DMD: variants seen among roughly 807,000 people sequenced by gnomAD.
The protein encoded by DMD is dystrophin.
In DMD, 63 loss-of-function variants were observed where a neutral mutation model predicts 330.1. The observed-to-expected ratio is 0.19, with a 90% confidence interval of 0.16 to 0.24. The LOEUF (loss-of-function observed/expected upper bound fraction) is 0.24, where lower values mean the gene tolerates loss of function less well. DMD is among the 10% of genes least tolerant of loss of function. DMD has a pLI of 1.00. For missense variants in DMD, 3,344 were observed against 2,684.1 expected (o/e 1.25, Z -5.43); for synonymous variants, 1,223 against 959.8 (o/e 1.27, Z -5.07).
rs894643226 is a variant in DMD, at chrX:31,520,642, G to A, written c.8218-13189C>T. Among the ~76,000 whole-genome samples, 3 of 111,210 alleles carry A rather than the reference G, an allele frequency of 2.7e-5. No homozygotes were observed. In the Admixed American group the frequency reaches 2.9e-4, roughly 11 times the overall value. Reference sequence around the variant, plus strand: ...ACCATCTCACTGAAGCAGGTCCAGGGTATTTTTTGTGTCCTTGTGCCATGA... The same window carrying A: ...ACCATCTCACTGAAGCAGGTCCAGGATATTTTTTGTGTCCTTGTGCCATGA... On this transcript the variant is annotated intron_variant, in intron 55 of 78. Coordinates refer to ENST00000357033, the MANE Select transcript of DMD (RefSeq NM_004006.3).
At chrX:31,545,597 G>T (rs1313918796) in intron 55 of DMD, among the ~76,000 whole-genome samples, 2 of 112,364 alleles carry the variant, frequency 1.8e-5, no homozygotes, top group Non-Finnish European at 3.8e-5. Flanking sequence ...CTAGGGAAAG[G>T]ATGGAAAACA....
chrX:32,676,347 T>C (rs961093711), intron 9 of DMD, among the ~76,000 whole-genome samples: 5 of 111,260 alleles, frequency 4.5e-5, no homozygotes, highest in Non-Finnish European at 9.5e-5. Flanking sequence ...ACCTCTTTCC[T>C]GCTTCCCAAT....
At chrX:31,711,658 T>C (rs888669497) in intron 52 of DMD, among the ~76,000 whole-genome samples, 1 of 110,553 alleles carries the variant, frequency 9.0e-6, no homozygotes, top group East Asian at 2.8e-4. Flanking sequence ...TTTTGCCTAT[T>C]GGATTTCACA....
At chrX:32,674,393 T>G (rs2061832458) in intron 9 of DMD, among the ~76,000 whole-genome samples, 1 of 111,660 alleles carries the variant, frequency 9.0e-6, no homozygotes, top group Non-Finnish European at 1.9e-5. Context: ...TCTGAGCATC[T>G]TTGAAAGTGA....
In DMD at chrX:32,362,932, T is replaced by A. The variant is rs200887855; in HGVS notation, c.5181A>T (p.Ile1727=). The change falls in exon 37 of 79, where the codon ATA becomes ATT. Residue 1727 remains isoleucine, a synonymous_variant. Transcript: ENST00000357033. Reference sequence around the variant, plus strand: ...CACGTGTAGAGTCCACCTTTGGGCGTATGTCATTCAGTTCTGCCTTTAAAC... The same window carrying A: ...CACGTGTAGAGTCCACCTTTGGGCGAATGTCATTCAGTTCTGCCTTTAAAC... ...LKRLKAELND[I]RPKVDSTRDQ... The A allele has an allele frequency of 1.4e-4, 173 of 1,208,982 alleles. No individual in the cohort carries two copies. In the Middle Eastern group the frequency reaches 2.8e-3, roughly 19 times the overall value.
chrX:31,162,355 C>T (rs1921390), intron 74 of DMD, among the ~76,000 whole-genome samples: 3 of 2,735 alleles, frequency 1.1e-3, no homozygotes, highest in Non-Finnish European at 1.6e-3. Flanking sequence ...CATGAAAAAT[C>T]TAAAAAAAAA....
Position 31,504,166 on chromosome X carries a change from T to C in DMD, c.8390+3115A>G, listed in dbSNP as rs745917888. On this transcript the variant is annotated intron_variant, in intron 56 of 78. Coordinates refer to ENST00000357033, the MANE Select transcript of DMD (RefSeq NM_004006.3). Reference sequence around the variant, plus strand: ...TATAAACAGCGTCCAAGGTAGAGTATTCTTGCAAATGTATCAATATGGCAT... The same window carrying C: ...TATAAACAGCGTCCAAGGTAGAGTACTCTTGCAAATGTATCAATATGGCAT... Among the ~76,000 whole-genome samples, 3 of 111,143 alleles carry C rather than the reference T, an allele frequency of 2.7e-5. No homozygotes were observed. The Admixed American group carries it at 2.9e-4, about 11-fold the overall frequency.
chrX:32,824,044 T>A (rs1418493386), intron 4 of DMD, among the ~76,000 whole-genome samples: 1 of 111,918 alleles, frequency 8.9e-6, no homozygotes, highest in Non-Finnish European at 1.9e-5. Flanking sequence ...ATGCAAATTG[T>A]AACCACAATA....
intron 2 of DMD, among the ~76,000 whole-genome samples, chrX:32,887,696 C>T (rs1282245640): frequency 1.1e-5 from 1 of 91,907 alleles, no homozygotes; most frequent in African/African-American, 4.2e-5. Flanking sequence ...TGCTGTGAGC[C>T]TAGACCGCAC....
intron 9 of DMD, among the ~76,000 whole-genome samples, chrX:32,682,905 G>C (rs1281699588): frequency 8.9e-6 from 1 of 111,771 alleles, no homozygotes; most frequent in Non-Finnish European, 1.9e-5. Flanking sequence ...GAGTGACTGG[G>C]AGTATCCTAG....
chrX:32,273,285 AC>A (rs2097372179), intron 43 of DMD, among the ~76,000 whole-genome samples: 1 of 55,207 alleles, frequency 1.8e-5, no homozygotes, highest in African/African-American at 7.5e-5. Flanking sequence ...CTTAAATAAA[AC>A]AAAACAAAAC....
chrX:32,536,391 T>C (rs2047988294), intron 17 of DMD, among the ~76,000 whole-genome samples: 1 of 108,739 alleles, frequency 9.2e-6, no homozygotes, highest in Non-Finnish European at 1.9e-5. Flanking sequence ...AAAAGAAAGG[T>C]ATCTAAAGAG....
chrX:31,292,005 A>G (rs1304649896), intron 62 of DMD, among the ~76,000 whole-genome samples: 1 of 111,737 alleles, frequency 8.9e-6, no homozygotes, highest in Non-Finnish European at 1.9e-5. Flanking sequence ...GTTAAAAAAT[A>G]GTAAGTTTCT....
At chrX:31,817,178 T>A (rs1033084139) in intron 50 of DMD, among the ~76,000 whole-genome samples, 1 of 112,384 alleles carries the variant, frequency 8.9e-6, no homozygotes, top group Non-Finnish European at 1.9e-5. Flanking sequence ...CAAGTATATG[T>A]GTAGCTTCTA....
intron 9 of DMD, among the ~76,000 whole-genome samples, chrX:32,681,920 G>C (rs2062453252): frequency 9.0e-6 from 1 of 111,235 alleles, no homozygotes; most frequent in Non-Finnish European, 1.9e-5. Context: ...TGAATAACTG[G>C]GGGAAAAACC....
rs186697705 is a variant in DMD at position 32,797,945 on chromosome X, G to A, written c.649+11548C>T. Among the ~76,000 whole-genome samples the A allele has an allele frequency of 1.7e-4, 19 of 111,520 alleles. No homozygotes were observed. In the East Asian group the frequency reaches 2.0e-3, roughly 12 times the overall value. On this transcript the variant is annotated intron_variant, in intron 7 of 78. Transcript: ENST00000357033. ...TAATCCATAATGCACATCTTCAATC[G>A]CATGATTATACTTCATTATTTAAAT...
chrX:32,362,606 C>T (rs897102815), intron 37 of DMD, among the ~76,000 whole-genome samples, 182 bp downstream of exon 37: 2 of 111,023 alleles, frequency 1.8e-5, no homozygotes, highest in Admixed American at 9.7e-5. Context: ...GAGACAGAGA[C>T]GGGGAGGAGT....
intron 29 of DMD, among the ~76,000 whole-genome samples, chrX:32,436,315 G>A (rs889281482): frequency 3.6e-5 from 4 of 111,677 alleles, no homozygotes; most frequent in Non-Finnish European, 7.5e-5. Context: ...AACCATCTCT[G>A]TTTAAGTGAC....
At chrX:32,932,137 G>A (rs887788552) in intron 2 of DMD, among the ~76,000 whole-genome samples, 2 of 112,135 alleles carry the variant, frequency 1.8e-5, no homozygotes, top group African/African-American at 6.5e-5. Context: ...TCCGATTTTG[G>A]CTGATAGATC....
Sources: allele counts gnomAD v4.1 joint callset (sites outside exome capture counted in the v4.1 genomes callset), GRCh38; gene constraint gnomAD v4.1.1; transcripts MANE v1.5; gene names NCBI Gene and HGNC (gene_info 2026-07-23, HGNC 2026-07-21).